HTR1F: variants seen among roughly 807,000 people sequenced by gnomAD.
HTR1F encodes 5-hydroxytryptamine receptor 1F, also known as 5-hydroxytryptamine (serotonin) receptor 1F, G protein-coupled.
In HTR1F, 17 loss-of-function variants were observed where a neutral mutation model predicts 24.0. The observed-to-expected ratio is 0.71, with a 90% CI of 0.48 to 1.06. The LOEUF (loss-of-function observed/expected upper bound fraction) is 1.06, where lower values mean the gene tolerates loss of function less well. Ranked by LOEUF, HTR1F falls within the 50% of genes least tolerant of loss-of-function variation. The pLI, the probability that HTR1F is intolerant of heterozygous loss-of-function variation, is 0.00. For missense variants in HTR1F, 391 were observed against 427.8 expected, an observed-to-expected ratio of 0.91 and a Z score of 0.76; for synonymous variants, 186 against 156.8, an observed-to-expected ratio of 1.19 and a Z score of -1.39.
At chr3:87,814,600 T>C (rs571276114) in intron 1 of HTR1F, among the ~76,000 whole-genome samples, 12 of 152,148 alleles carry the variant, frequency 7.9e-5, no homozygotes, top group Non-Finnish European at 1.8e-4. Context: ...TTCCAAATAT[T>C]AAGACTTCTA....
chr3:87,945,408 G>A (rs1323171226), intron 2 of HTR1F, among the ~76,000 whole-genome samples: 1 of 152,176 alleles, frequency 6.6e-6, no homozygotes, highest in Admixed American at 6.5e-5. Context: ...TCGATTCAGA[G>A]GTAAGGAGAA....
chr3:87,876,883 A>C (rs1300140260), intron 2 of HTR1F, among the ~76,000 whole-genome samples: 1 of 152,164 alleles, frequency 6.6e-6, no homozygotes, highest in African/African-American at 2.4e-5. Flanking sequence ...TAAAGTTCAT[A>C]TATATAAAAC....
chr3:87,906,613 G>T (rs1576012879), intron 2 of HTR1F, among the ~76,000 whole-genome samples: 1 of 151,978 alleles, frequency 6.6e-6, no homozygotes, highest in African/African-American at 2.4e-5. Flanking sequence ...CTTTCATGGT[G>T]ATTTCTGAGA....
At chr3:87,840,257 C>G (rs910666651) in intron 2 of HTR1F, among the ~76,000 whole-genome samples, 1 of 151,994 alleles carries the variant, frequency 6.6e-6, no homozygotes, top group Non-Finnish European at 1.5e-5. Flanking sequence ...GGATATTAGA[C>G]CTTTGTCAGA....
chr3:87,945,645 G>A (rs900454618), intron 2 of HTR1F, among the ~76,000 whole-genome samples: 7 of 152,128 alleles, frequency 4.6e-5, no homozygotes, highest in African/African-American at 1.7e-4. Flanking sequence ...GCAGATGAAT[G>A]CTCCCAACCC....
chr3:87,883,972 C>G (rs1324711086), intron 2 of HTR1F, among the ~76,000 whole-genome samples: 1 of 152,100 alleles, frequency 6.6e-6, no homozygotes, highest in Non-Finnish European at 1.5e-5. Context: ...AGCCAACATT[C>G]AAATTCAGGA....
In HTR1F at chr3:87,992,168, T is replaced by TA. The variant is rs1173732521; in HGVS notation, c.*319dup. ...ACAGTGATTTTCCATGTTTACATCT[T>TA]ACAATAATTATAGAGGAGTTTTCAA... On this transcript the variant is annotated 3_prime_UTR_variant, in exon 3 of 3. Coordinates refer to ENST00000319595, the MANE Select transcript of HTR1F (RefSeq NM_001322209.2). 5.7e-6 allele frequency: 1 copy of TA among 176,030 alleles called. No homozygotes were observed. The highest frequency in any genetic ancestry group is 1.8e-4 in the East Asian group (1 of 5,650). The allele number at this position is 176,030 out of a possible 1,614,324, so 10.9% of individuals were successfully genotyped here.
At chr3:87,848,640 T>C (rs1315983396) in intron 2 of HTR1F, among the ~76,000 whole-genome samples, 1 of 151,854 alleles carries the variant, frequency 6.6e-6, no homozygotes, top group Non-Finnish European at 1.5e-5. Context: ...TGAGTGGCAT[T>C]CAATTAGGAA....
At chr3:87,813,982 A>G (rs1339897427) in intron 1 of HTR1F, among the ~76,000 whole-genome samples, 1 of 152,164 alleles carries the variant, frequency 6.6e-6, no homozygotes, top group Non-Finnish European at 1.5e-5. Flanking sequence ...GCAGTGCTAA[A>G]CAGACTAAAA....
At chr3:87,797,206 A>G (rs780348351) in intron 1 of HTR1F, among the ~76,000 whole-genome samples, 9 of 152,154 alleles carry the variant, frequency 5.9e-5, no homozygotes, top group Non-Finnish European at 1.3e-4. Context: ...GTATGTATGG[A>G]TAGGGAAAAA....
At chr3:87,935,969 G>A (rs1245639924) in intron 2 of HTR1F, among the ~76,000 whole-genome samples, 2 of 151,992 alleles carry the variant, frequency 1.3e-5, no homozygotes, top group African/African-American at 2.4e-5. Context: ...TCCTGCCTCA[G>A]CCTCCTGAGT....
chr3:87,846,019 G>A (rs1326247781), intron 2 of HTR1F, among the ~76,000 whole-genome samples: 1 of 151,946 alleles, frequency 6.6e-6, no homozygotes, highest in African/African-American at 2.4e-5. Flanking sequence ...CTATGTGCTA[G>A]CCATCTTCTA....
chr3:87,981,079 G>T (rs1230615425), intron 2 of HTR1F, among the ~76,000 whole-genome samples: 1 of 152,174 alleles, frequency 6.6e-6, no homozygotes, highest in Non-Finnish European at 1.5e-5. Flanking sequence ...TCCCTGAAGT[G>T]CACAGCCCAG....
chr3:87,873,620 G>A (rs1035574382), intron 2 of HTR1F, among the ~76,000 whole-genome samples: 1 of 152,118 alleles, frequency 6.6e-6, no homozygotes, highest in Non-Finnish European at 1.5e-5. Context: ...GCATCCTTTA[G>A]CACAGTCACA....
At chr3:87,879,967 T>C (rs1705752855) in intron 2 of HTR1F, among the ~76,000 whole-genome samples, 1 of 152,114 alleles carries the variant, frequency 6.6e-6, no homozygotes, top group African/African-American at 2.4e-5. Context: ...TTAAAAGAAA[T>C]ATAAAATTTA....
intron 2 of HTR1F, among the ~76,000 whole-genome samples, chr3:87,849,315 C>T (rs928443211): frequency 1.3e-5 from 2 of 151,658 alleles, no homozygotes; most frequent in Non-Finnish European, 2.9e-5. Flanking sequence ...ATATCTACAA[C>T]TATCTGATCT....
At chr3:87,954,395 T>C (rs905606528) in intron 2 of HTR1F, among the ~76,000 whole-genome samples, 3 of 151,782 alleles carry the variant, frequency 2.0e-5, no homozygotes, top group Non-Finnish European at 4.4e-5. Flanking sequence ...AGATGTATAA[T>C]ATTAGTAGCC....
intron 2 of HTR1F, among the ~76,000 whole-genome samples, chr3:87,871,883 A>C (rs1407900080): frequency 1.3e-5 from 2 of 152,062 alleles, no homozygotes; most frequent in African/African-American, 4.8e-5. Context: ...GAAACAGAGA[A>C]CTTGAACAAC....
chr3:87,987,890 A>T (rs772749121), intron 2 of HTR1F, among the ~76,000 whole-genome samples: 7 of 148,628 alleles, frequency 4.7e-5, no homozygotes, highest in African/African-American at 1.7e-4. Context: ...AAAATAATTT[A>T]AGAAACTCCA....
Sources: gnomAD v4.1 joint callset for allele counts (sites outside exome capture counted in the v4.1 genomes callset) on GRCh38, gnomAD v4.1.1 for gene constraint, MANE v1.5 for transcripts, NCBI Gene and HGNC (gene_info 2026-07-23, HGNC 2026-07-21) for gene names.